The following CDS2 variants were observed in gnomAD, a reference collection of about 807,000 sequenced individuals.
CDS2 encodes CDP-diacylglycerol synthase 2.
In CDS2, 47 loss-of-function variants were observed where a neutral mutation model predicts 59.0. The ratio of observed to expected loss-of-function variants is 0.80; its 90% CI spans 0.63 to 1.02. The LOEUF (loss-of-function observed/expected upper bound fraction) is 1.02, where lower values mean the gene tolerates loss of function less well. CDS2 is among the 50% of genes least tolerant of loss of function. The probability of loss-of-function intolerance (pLI) is 0.00; values close to 1 mark genes in which losing one functional copy is unlikely to be tolerated. For missense variants in CDS2, 356 were observed against 558.9 expected, an observed-to-expected ratio of 0.64 and a Z score of 3.66; for synonymous variants, 207 against 206.4, an observed-to-expected ratio of 1.00 and a Z score of -0.02.
chr20:5,137,249 T>C (rs1242318504), intron 1 of CDS2, among the ~76,000 whole-genome samples: 2 of 60,314 alleles, frequency 3.3e-5, no homozygotes, highest in Non-Finnish European at 9.7e-5. Context: ...ATTTCTACCC[T>C]TTTTTTTTTT....
intron 1 of CDS2, among the ~76,000 whole-genome samples, chr20:5,168,421 A>ACCCC (rs1600498595): frequency 7.3e-6 from 1 of 137,324 alleles, no homozygotes; most frequent in Non-Finnish European, 1.6e-5. Context: ...TCCCCCCAAA[A>ACCCC]AAAAAAAAAA....
chr20:5,179,079 G>A (rs530515769), intron 5 of CDS2, 123 bp downstream of exon 5: 6 of 854,562 alleles, frequency 7.0e-6, no homozygotes, highest in East Asian at 2.4e-5. Flanking sequence ...CCATGCAGGG[G>A]AGCAGAGCTG....
At chr20:5,163,449 C>A (rs916022198) in intron 1 of CDS2, among the ~76,000 whole-genome samples, 17 of 152,070 alleles carry the variant, frequency 1.1e-4, no homozygotes, top group Non-Finnish European at 2.5e-4. Flanking sequence ...TTAGTAGAGA[C>A]AGGGTTTCTC....
chr20:5,175,158 C>T (rs1189449037), intron 2 of CDS2, 25 bp from the exon 3 acceptor site: 1 of 1,579,664 alleles, frequency 6.3e-7, no homozygotes, highest in Non-Finnish European at 8.7e-7. Flanking sequence ...CTGGTGTTTT[C>T]TCCTTCCCCT....
intron 10 of CDS2, 143 bp from the exon 11 acceptor site, chr20:5,188,924 C>T (rs560985759): frequency 3.2e-6 from 3 of 928,362 alleles, no homozygotes; most frequent in East Asian, 4.9e-5. Context: ...GAGGGATTTG[C>T]CCCTGTGACC....
chr20:5,174,566 T>G (rs1199400010), intron 2 of CDS2, among the ~76,000 whole-genome samples: 4 of 151,830 alleles, frequency 2.6e-5, no homozygotes. Flanking sequence ...CTACTAAAAA[T>G]ACAAAAAAAT....
chr20:5,127,098 A>G lies in CDS2; in HGVS notation c.6A>G (p.Thr2=), dbSNP rs963965935. The part of the protein sequence containing the change: M[T]ELRQRVAHEP... ...GTCGGGCCGATTTTCCCAGGATGAC[A>G]GAGCTGAGGCAGAGGGTGGCCCATG... The change falls in exon 1 of 13, where the codon ACA becomes ACG. Residue 2 remains threonine (T), a synonymous_variant. Transcript: ENST00000460006. 2 of 1,498,844 alleles carry G rather than the reference A, an allele frequency of 1.3e-6. No homozygotes were observed. Among genetic ancestry groups the G allele is most frequent in the East Asian group, 3.0e-5 (1 of 33,856 alleles). 92.8% of individuals were successfully genotyped at this position (1,498,844 alleles called of 1,614,324 possible).
chr20:5,189,200 C>T lies in CDS2; in HGVS notation c.1101+14C>T. On this transcript the variant is annotated intron_variant, in intron 11 of 12. Coordinates refer to ENST00000460006, the MANE Select transcript of CDS2 (RefSeq NM_003818.4). The stretch of plus-strand genomic sequence containing the variant: ...TTTAAAATCAAAGTAGGAAAACCGT[C>T]TTACGTTCCTCTCATCTCACTCCCT... 6.2e-7 allele frequency: 1 copy of T among 1,613,968 alleles called. No individual in the cohort carries two copies. The highest frequency in any genetic ancestry group is 8.5e-7 in the Non-Finnish European group (1 of 1,179,904).
chr20:5,170,208 A>G (rs2090945413), intron 1 of CDS2, among the ~76,000 whole-genome samples: 1 of 151,454 alleles, frequency 6.6e-6, no homozygotes, highest in Non-Finnish European at 1.5e-5. Flanking sequence ...CCACTGCCTT[A>G]TTCTGCAGAA....
At chr20:5,177,470 C>T (rs1568541640) in intron 4 of CDS2, among the ~76,000 whole-genome samples, 2 of 152,086 alleles carry the variant, frequency 1.3e-5, no homozygotes, top group Non-Finnish European at 2.9e-5. Context: ...AAGGATTCAG[C>T]TTTCTTAAAG....
intron 1 of CDS2, among the ~76,000 whole-genome samples, chr20:5,153,916 TTTG>T (rs2090812292): frequency 6.6e-6 from 1 of 152,164 alleles, no homozygotes; most frequent in South Asian, 2.1e-4. Context: ...TTTCATGATA[TTTG>T]TCTTTGGCCT....
chr20:5,172,190 T>G (rs1010085552), intron 1 of CDS2, among the ~76,000 whole-genome samples: 5 of 152,148 alleles, frequency 3.3e-5, no homozygotes, highest in African/African-American at 1.2e-4. Context: ...AGAAGTTATG[T>G]TCTTGTCTTT....
chr20:5,171,832 G>A (rs2090958258), intron 1 of CDS2, among the ~76,000 whole-genome samples: 1 of 152,240 alleles, frequency 6.6e-6, no homozygotes, highest in Non-Finnish European at 1.5e-5. Context: ...CTCGACTGTG[G>A]CAGAGTAGGG....
chr20:5,163,608 T>A (rs2090891648), intron 1 of CDS2, among the ~76,000 whole-genome samples: 1 of 152,210 alleles, frequency 6.6e-6, no homozygotes, highest in Admixed American at 6.5e-5. Context: ...TTTCATATAC[T>A]TGTGTTTAAA....
intron 1 of CDS2, among the ~76,000 whole-genome samples, chr20:5,149,409 C>T (rs965748489): frequency 3.9e-5 from 6 of 152,062 alleles, no homozygotes; most frequent in African/African-American, 1.4e-4. Context: ...TTACATGCTG[C>T]AGATTTTTCT....
chr20:5,157,169 A>T (rs2090840125), intron 1 of CDS2, among the ~76,000 whole-genome samples: 1 of 152,166 alleles, frequency 6.6e-6, no homozygotes, highest in South Asian at 2.1e-4. Flanking sequence ...GGCTGTGAGG[A>T]TGCTGGAGAA....
intron 1 of CDS2, among the ~76,000 whole-genome samples, chr20:5,167,495 A>G (rs1214441560): frequency 4.6e-5 from 7 of 152,172 alleles, no homozygotes; most frequent in South Asian, 4.1e-4. Context: ...ATTCCCAACA[A>G]TATACACACA....
chr20:5,159,224 C>T (rs750339805), intron 1 of CDS2, among the ~76,000 whole-genome samples: 34 of 151,726 alleles, frequency 2.2e-4, no homozygotes, highest in African/African-American at 4.8e-4. Context: ...ATGTGCACAA[C>T]GTGCAGGTTT....
At chr20:5,153,897 C>T (rs2090811987) in intron 1 of CDS2, among the ~76,000 whole-genome samples, 1 of 152,084 alleles carries the variant, frequency 6.6e-6, no homozygotes. Context: ...AGGTTTGTGG[C>T]TTGGAAACTT....
Sources: gnomAD v4.1 joint callset for allele counts (sites outside exome capture counted in the v4.1 genomes callset) on GRCh38, gnomAD v4.1.1 for gene constraint, MANE v1.5 for transcripts, NCBI Gene and HGNC (gene_info 2026-07-23, HGNC 2026-07-21) for gene names.